Variants in CUX1 observed in about 807,000 individuals in gnomAD.
The protein encoded by CUX1 is cut like homeobox 1, also known as protein CASP.
CUX1 carries 31 observed loss-of-function variants against 158.8 expected under a neutral mutation model. That is an observed-to-expected ratio of 0.20 (90% CI 0.15 to 0.26). CUX1 has a LOEUF of 0.26. Among genes scored for constraint, CUX1 ranks in the 10% least tolerant of loss-of-function variants. The pLI is 1.00. For missense variants in CUX1, 1,589 were observed against 2,014.6 expected (o/e 0.79, Z 4.04); for synonymous variants, 879 against 862.1 (o/e 1.02, Z -0.34).
At chr7:101,978,901 G>A (rs549379628) in intron 2 of CUX1, among the ~76,000 whole-genome samples, 4 of 152,264 alleles carry the variant, frequency 2.6e-5, no homozygotes, top group South Asian at 4.1e-4. Context: ...ACTTCACGGC[G>A]TACGTCCAGC....
intron 20 of CUX1, among the ~76,000 whole-genome samples, chr7:102,220,486 G>C (rs1256396497): frequency 1.3e-5 from 2 of 152,240 alleles, no homozygotes; most frequent in African/African-American, 4.8e-5. Context: ...TTCCGGAGCA[G>C]GTCTGGTGCC....
chr7:102,070,394 A>G lies in CUX1; in HGVS notation c.245A>G (p.Tyr82Cys), dbSNP rs915704529. Residue 82 changes from tyrosine (Y) to cysteine (C), a missense_variant, in exon 4 of 24, where the codon TAC (tyrosine) becomes TGC (cysteine). Physicochemically the swap from Tyr to Cys is radical, Grantham distance 194. Coordinates refer to ENST00000292535, the MANE Select transcript of CUX1 (RefSeq NM_181552.4). ...GCTGAAGCAGCTTTCTTGAATGTCT[A>G]CAAAAGATTGATTGACGTCCCAGGT... ...KEAEAAFLNV[Y>C]KRLIDVPDPV... 5 of 1,610,692 alleles carry G rather than the reference A, an allele frequency of 3.1e-6. No homozygotes were observed. The African/African-American group carries it at 4.0e-5, about 13-fold the overall frequency.
chr7:102,267,607 C>T (rs1043953370), intron 14 of CUX1, among the ~76,000 whole-genome samples: 2 of 152,134 alleles, frequency 1.3e-5, no homozygotes, highest in East Asian at 3.9e-4. Context: ...CCGCTGGCCT[C>T]GCTATGATAA....
At chr7:102,129,493 G>A (rs1832990755) in intron 8 of CUX1, among the ~76,000 whole-genome samples, 1 of 152,092 alleles carries the variant, frequency 6.6e-6, no homozygotes, top group Admixed American at 6.6e-5. Flanking sequence ...AGACCAGCCT[G>A]GCCAACATGG....
intron 1 of CUX1, among the ~76,000 whole-genome samples, chr7:101,906,484 T>G (rs923101877): frequency 8.6e-5 from 13 of 151,874 alleles, no homozygotes; most frequent in African/African-American, 3.1e-4. Flanking sequence ...TAGGGGAACG[T>G]CAGCATGCCA....
chr7:101,966,156 C>T (rs546265342), intron 2 of CUX1, among the ~76,000 whole-genome samples: 1 of 152,176 alleles, frequency 6.6e-6, no homozygotes, highest in South Asian at 2.1e-4. Flanking sequence ...CCTCAACCTC[C>T]CCGGGCTCAG....
chr7:102,133,467 C>CTTT lies in CUX1; in HGVS notation c.674+18218_674+18220dup, dbSNP rs11266929. 5.5e-3 allele frequency among the ~76,000 whole-genome samples: 497 copies of CTTT among 90,582 alleles called. 20 individuals carry two copies. The highest frequency in any genetic ancestry group is 8.7e-3 in the Non-Finnish European group (418 of 47,854). 59.4% of individuals were successfully genotyped at this position (90,582 alleles called of 152,430 possible). ...GAATTGGACCCAGAAAAAAATACAT[C>CTTT]TTTTTTTTTTTTTTTTTTTTTTTTT... On this transcript the variant is annotated intron_variant, in intron 8 of 23. Transcript: ENST00000292535.
intron 8 of CUX1, among the ~76,000 whole-genome samples, chr7:102,137,159 T>TA (rs112853200): frequency 6.6e-6 from 1 of 152,220 alleles, no homozygotes. Flanking sequence ...GTGGAGGCTC[T>TA]TGGTTTAAGC....
chr7:102,181,230 G>T (rs535427757), intron 11 of CUX1, among the ~76,000 whole-genome samples: 1 of 152,022 alleles, frequency 6.6e-6, no homozygotes, highest in Non-Finnish European at 1.5e-5. Context: ...GTGAGCCACC[G>T]CGAACCAGGT....
At chr7:102,044,680 G>T (rs1822532462) in intron 3 of CUX1, among the ~76,000 whole-genome samples, 1 of 151,948 alleles carries the variant, frequency 6.6e-6, no homozygotes, top group African/African-American at 2.4e-5. Context: ...CCTGCTTCTC[G>T]CCTTCTCCTT....
At chr7:101,841,489 A>T (rs1371508189) in intron 1 of CUX1, among the ~76,000 whole-genome samples, 1 of 150,062 alleles carries the variant, frequency 6.7e-6, no homozygotes, top group African/African-American at 2.5e-5. Context: ...CCATTATTTT[A>T]CTTTCTGAGT....
downstream of CUX1, among the ~76,000 whole-genome samples, chr7:102,261,481 G>A (rs533507671): frequency 1.3e-4 from 20 of 151,964 alleles, no homozygotes; most frequent in Admixed American, 7.2e-4. Context: ...GCAACAGAGT[G>A]AGACTCTGGC....
intron 17 of CUX1, chr7:102,277,921 ACCCCTTTCCTTGCCCCTCCCCCC>A: frequency 3.7e-6 from 2 of 541,560 alleles, no homozygotes; most frequent in Non-Finnish European, 5.9e-6. Flanking sequence ...CCTCTCCCCC[ACCCCTTTCCTTGCCCCTCCCCCC>A]CCAGGAGAAC....
chr7:101,958,705 C>A (rs1810077614), intron 2 of CUX1, among the ~76,000 whole-genome samples: 1 of 151,766 alleles, frequency 6.6e-6, no homozygotes, highest in African/African-American at 2.4e-5. Flanking sequence ...GTCTCAAACT[C>A]CTGGGCTTAA....
intron 2 of CUX1, among the ~76,000 whole-genome samples, chr7:101,964,725 G>A (rs1177057207): frequency 1.3e-5 from 2 of 152,170 alleles, no homozygotes; most frequent in African/African-American, 4.8e-5. Context: ...CCAGCAACCA[G>A]AATATTATCG....
chr7:101,921,235 C>A (rs1459187968), intron 2 of CUX1, among the ~76,000 whole-genome samples: 1 of 152,126 alleles, frequency 6.6e-6, no homozygotes, highest in Non-Finnish European at 1.5e-5. Flanking sequence ...ACAACAGGGC[C>A]CCGCTCGCAG....
At chr7:102,142,923 A>G (rs1554500814) in intron 8 of CUX1, among the ~76,000 whole-genome samples, 1 of 152,190 alleles carries the variant, frequency 6.6e-6, no homozygotes, top group African/African-American at 2.4e-5. Flanking sequence ...CCCATCTATT[A>G]AAAAATAATA....
intron 8 of CUX1, among the ~76,000 whole-genome samples, chr7:102,139,593 G>C (rs566786816): frequency 1.3e-5 from 2 of 152,118 alleles, no homozygotes; most frequent in African/African-American, 4.8e-5. Context: ...ACAGAAATTC[G>C]AGACAGGCTG....
chr7:102,217,798 A>ATGTGATGGTGT (rs1797399477), intron 20 of CUX1, among the ~76,000 whole-genome samples: 4 of 149,496 alleles, frequency 2.7e-5, no homozygotes, highest in Non-Finnish European at 4.4e-5. Flanking sequence ...CTCTGGATGG[A>ATGTGATGGTGT]CACGATGGTG....
Sources: gnomAD v4.1 joint callset for allele counts (sites outside exome capture counted in the v4.1 genomes callset) on GRCh38, gnomAD v4.1.1 for gene constraint, MANE v1.5 for transcripts, NCBI Gene and HGNC (gene_info 2026-07-23, HGNC 2026-07-21) for gene names.